KRT24: variants seen among roughly 807,000 people sequenced by gnomAD.
KRT24 encodes the protein keratin 24.
Under a neutral mutation model 51.7 loss-of-function variants are expected in KRT24, and 44 were observed. The observed-to-expected ratio is 0.85, with a 90% CI of 0.67 to 1.09. KRT24 has a LOEUF of 1.09. KRT24 is among the 50% of genes least tolerant of loss of function. KRT24 has a pLI of 0.00. For synonymous variants in KRT24, 241 were observed against 249.5 expected (o/e 0.97, Z 0.32); for missense variants, 633 against 647.0 (o/e 0.98, Z 0.24).
chr17:40,698,634 C>G lies in KRT24; in HGVS notation c.1378G>C (p.Glu460Gln). 2 of 1,589,758 alleles carry G rather than the reference C, an allele frequency of 1.3e-6. No homozygotes were observed. The highest frequency in any genetic ancestry group is 8.6e-7 in the Non-Finnish European group (1 of 1,158,380). The change falls in exon 7 of 8, where the codon GAA becomes CAA. Residue 460 changes from glutamate to glutamine, a missense_variant. By Grantham distance (29) the Glu-to-Gln change is conservative. Coordinates refer to ENST00000264651, the MANE Select transcript of KRT24 (RefSeq NM_019016.3). The part of the protein sequence containing the change: ...DGEGGGSSFA[E>Q]FGGRNSGSVN... ...GATCCTGAGTTTCTACCACCAAATT[C>G]TGCAAAACTAGAACCACTGGAGAAA...
chr17:40,702,037 T>TTG (rs951260322), intron 1 of KRT24, 104 bp from the exon 2 acceptor site: 4 of 466,016 alleles, frequency 8.6e-6, no homozygotes, highest in Middle Eastern at 3.2e-4. Flanking sequence ...GCTCTTTTTT[T>TTG]TGTGTGTGTG....
In KRT24 at chr17:40,703,107, T is replaced by C. The variant is rs1408076087; in HGVS notation, c.587A>G (p.Tyr196Cys). The C allele has an allele frequency of 1.9e-6, 3 of 1,607,122 alleles. No homozygotes were observed. The highest frequency in any genetic ancestry group is 1.3e-5 in the African/African-American group (1 of 74,502). Reference protein sequence around the residue: ...GGSGRDYSKYYSIIEDLRNQI... With the variant: ...GGSGRDYSKYCSIIEDLRNQI... The stretch of plus-strand genomic sequence containing the variant: ...GTTTCTGAGATCTTCAATTATTGAA[T>C]AGTATTTGCTATAATCTCTTCCCGA... Residue 196 changes from tyrosine to cysteine, a missense_variant, in exon 1 of 8, where the codon TAT (tyrosine) becomes TGT (cysteine). Tyr to Cys is a radical substitution (Grantham distance 194, BLOSUM62 -2). Coordinates refer to ENST00000264651, the MANE Select transcript of KRT24 (RefSeq NM_019016.3).
At chr17:40,702,299 C>A (rs1169315265) in intron 1 of KRT24, among the ~76,000 whole-genome samples, 2 of 152,272 alleles carry the variant, frequency 1.3e-5, no homozygotes, top group Non-Finnish European at 2.9e-5. Flanking sequence ...CCTCAGCCTC[C>A]TAAAGTGCTG....
At chr17:40,700,162 A>C in intron 4 of KRT24, 39 bp from the exon 5 acceptor site, 1 of 1,614,002 alleles carries the variant, frequency 6.2e-7, no homozygotes, top group Non-Finnish European at 8.5e-7. Context: ...AGGCTGATGA[A>C]AGGAGCAGAA....
In KRT24 at chr17:40,700,326, C is replaced by T. The variant is rs755388730; in HGVS notation, c.913G>A (p.Ala305Thr). Reference sequence around the variant, plus strand: ...AATTTGGTCAGGTCGGTCCCTGGCGCAGCATTCATTTCTACGGTCACCTCC... The same window carrying T: ...AATTTGGTCAGGTCGGTCCCTGGCGTAGCATTCATTTCTACGGTCACCTCC... ...GGEVTVEMNA[A>T]PGTDLTKLLN... Residue 305 changes from alanine to threonine, a missense_variant, in exon 4 of 8, where the codon GCG becomes ACG. Transcript: ENST00000264651. 77 of 1,613,844 alleles carry T rather than the reference C, an allele frequency of 4.8e-5. 1 individual carries two copies. In the South Asian group the frequency reaches 7.7e-4, roughly 16 times the overall value.
Position 40,703,638 on chromosome 17 carries a change from C to G in KRT24, c.56G>C (p.Arg19Thr). The G allele has an allele frequency of 1.2e-6, 2 of 1,605,124 alleles. No homozygotes were observed. The highest frequency in any genetic ancestry group is 8.5e-7 in the Non-Finnish European group (1 of 1,176,168). Residue 19 changes from arginine (R) to threonine (T), a missense_variant, in exon 1 of 8, where the codon AGG becomes ACG. Arg to Thr is a moderately conservative substitution (Grantham distance 71). Transcript: ENST00000264651. ...SSRAGGSSSA[R>T]VSAGGSSFSS... Reference sequence around the variant, plus strand: ...GAAGCTGCTTCCACCAGCAGACACCCTGGCTGAGCTGCTGCCTCCAGCCCT... The same window carrying G: ...GAAGCTGCTTCCACCAGCAGACACCGTGGCTGAGCTGCTGCCTCCAGCCCT...
In KRT24 at chr17:40,703,406, G is replaced by A. The variant is rs1597778749; in HGVS notation, c.288C>T (p.Val96=). 6.2e-7 allele frequency: 1 copy of A among 1,609,886 alleles called. No homozygotes were observed. The highest frequency in any genetic ancestry group is 1.1e-5 in the South Asian group (1 of 91,008). ...ATCCAGAACCCCTGCCAAATCCAGA[G>A]ACCCCGCCAAAGCTAGAACCCCCAC... The part of the protein sequence containing the change: ...GFGGGSSFGG[V]SGFGRGSGFC... Residue 96 remains valine, a synonymous_variant, in exon 1 of 8, where the codon GTC becomes GTT. Coordinates refer to ENST00000264651, the MANE Select transcript of KRT24 (RefSeq NM_019016.3).
intron 7 of KRT24, 61 bp downstream of exon 7, chr17:40,698,477 A>G: frequency 8.4e-7 from 1 of 1,188,980 alleles, no homozygotes; most frequent in Admixed American, 1.9e-5. Flanking sequence ...TTAGTATGAC[A>G]AGCAAAGTAT....
chr17:40,699,454 C>T lies in KRT24; in HGVS notation c.1351G>A (p.Gly451Arg). Reference sequence around the variant, plus strand: ...ATGACTTTGGTTTACCCTCCCTCTCCATCGAGCAGGCGGCGGTAGGTCTCG... The same window carrying T: ...ATGACTTTGGTTTACCCTCCCTCTCTATCGAGCAGGCGGCGGTAGGTCTCG... ...EIETYRRLLD[G>R]EGGGSSFAEF... The change falls in exon 6 of 8, where the codon GGA (glycine) becomes AGA (arginine). Residue 451 changes from glycine to arginine, a missense_variant. Transcript: ENST00000264651. The T allele has an allele frequency of 6.2e-7, 1 of 1,613,918 alleles. No individual in the cohort carries two copies. Among genetic ancestry groups the T allele is most frequent in the Non-Finnish European group, 8.5e-7 (1 of 1,179,838 alleles).
chr17:40,699,308 G>C, intron 6 of KRT24, 136 bp downstream of exon 6: 1 of 692,866 alleles, frequency 1.4e-6, no homozygotes. Flanking sequence ...TTACAGGCCT[G>C]AGCCACTGCA....
At chr17:40,699,420 A>T (rs765392112) in intron 6 of KRT24, 24 bp downstream of exon 6, 2 of 1,588,044 alleles carry the variant, frequency 1.3e-6, no homozygotes, top group East Asian at 2.2e-5. Flanking sequence ...TATGCATTTT[A>T]GTTTGTTCAT....
At position 40,703,682 on chromosome 17, in the gene KRT24, C is replaced by T. The variant is rs200666898; in HGVS notation, c.12G>A (p.Ser4=). Residue 4 remains serine (S), a synonymous_variant, in exon 1 of 8, where the codon TCG becomes TCA. Transcript: ENST00000264651. The part of the protein sequence containing the change: MSC[S]SRASSSRAGG... ...CAGCCCTGGAGGAGGAGGCGCGAGACGAGCAAGACATGGTGCTCCTGCAAA... is the reference window on the plus strand; with the variant it reads ...CAGCCCTGGAGGAGGAGGCGCGAGATGAGCAAGACATGGTGCTCCTGCAAA... 8.7e-5 allele frequency: 137 copies of T among 1,566,370 alleles called. No individual in the cohort carries two copies. The highest frequency in any genetic ancestry group is 1.1e-4 in the Non-Finnish European group (124 of 1,157,618).
At chr17:40,700,448 C>A in intron 3 of KRT24, 65 bp from the exon 4 acceptor site, 2 of 1,246,466 alleles carry the variant, frequency 1.6e-6, no homozygotes, top group South Asian at 1.4e-5. Context: ...GAAAATGTGC[C>A]TAGACAACAA....
In KRT24 at chr17:40,699,382, T is replaced by G. The variant is rs968616932; in HGVS notation, c.1361+62A>C. On this transcript the variant is annotated intron_variant, in intron 6 of 7. Coordinates refer to ENST00000264651, the MANE Select transcript of KRT24 (RefSeq NM_019016.3). ...ACAAGTCTAAGCCCTGAGTCCCATT[T>G]TGGTTTTATAAAATAAATTCACTAA... The G allele has an allele frequency of 3.8e-6, 5 of 1,312,352 alleles. No individual in the cohort carries two copies. The African/African-American group carries it at 4.3e-5, about 11-fold the overall frequency. The allele number at this position is 1,312,352 out of a possible 1,614,324, so 81.3% of individuals were successfully genotyped here. A position where few individuals can be genotyped will look rare whatever the true frequency, so the allele number is the denominator to read the frequency against.
chr17:40,703,553 G>A lies in KRT24; in HGVS notation c.141C>T (p.Ala47=). 1 of 1,599,662 alleles carries A rather than the reference G, an allele frequency of 6.3e-7. No homozygotes were observed. The highest frequency in any genetic ancestry group is 8.5e-7 in the Non-Finnish European group (1 of 1,178,336). The part of the protein sequence containing the change: ...GSSAQGFRGG[A]SSCSLSGGSS... Reference sequence around the variant, plus strand: ...ACCCCCCACTCAGGCTGCAGCTGCTGGCTCCTCCTCGGAAGCCCTGGGCCG... The same window carrying A: ...ACCCCCCACTCAGGCTGCAGCTGCTAGCTCCTCCTCGGAAGCCCTGGGCCG... The change falls in exon 1 of 8, where the codon GCC becomes GCT. Residue 47 remains alanine, a synonymous_variant. Transcript: ENST00000264651.
chr17:40,703,217 T>C lies in KRT24; in HGVS notation c.477A>G (p.Arg159=), dbSNP rs752767498. 6.2e-7 allele frequency: 1 copy of C among 1,614,148 alleles called. No individual in the cohort carries two copies. Among genetic ancestry groups the C allele is most frequent in the Non-Finnish European group, 8.5e-7 (1 of 1,180,018 alleles). Residue 159 remains arginine, a synonymous_variant, in exon 1 of 8, where the codon AGA becomes AGG. Transcript: ENST00000264651. ...DRLANYLDKV[R]ALEEANTDLE... ...GATCAGTGTTAGCCTCCTCCAGGGC[T>C]CTGACCTTGTCTAGGTAATTGGCCA...
chr17:40,700,363 T>C lies in KRT24; in HGVS notation c.876A>G (p.Gly292=). The change falls in exon 4 of 8, where the codon GGA becomes GGG. Residue 292 remains glycine, a synonymous_variant. Transcript: ENST00000264651. ...NHEEEMKNMQ[G]SSGGEVTVEM... ...CTACGGTCACCTCCCCTCCAGAGCT[T>C]CCTTGCATATTCTTCATTTCCTAGC... 3 of 1,613,098 alleles carry C rather than the reference T, an allele frequency of 1.9e-6. No homozygotes were observed. The highest frequency in any genetic ancestry group is 2.5e-6 in the Non-Finnish European group (3 of 1,179,510).
chr17:40,701,307 C>A lies in KRT24; in HGVS notation c.699-11G>T. The A allele has an allele frequency of 6.2e-7, 1 of 1,609,800 alleles. No homozygotes were observed. The highest frequency in any genetic ancestry group is 8.5e-7 in the Non-Finnish European group (1 of 1,177,994). On this transcript the variant is annotated splice_polypyrimidine_tract_variant and intron_variant, in intron 2 of 7. Coordinates refer to ENST00000264651, the MANE Select transcript of KRT24 (RefSeq NM_019016.3). The stretch of plus-strand genomic sequence containing the variant: ...AGCTCGTTCTCATACCTGGAAGGGG[C>A]AGCAGTAAGGCAAAAAATACTGTGA...
rs762604288 is a variant in KRT24 at position 40,698,577 on chromosome 17, C to A, written c.1435G>T (p.Gly479Cys). The A allele has an allele frequency of 6.2e-6, 10 of 1,612,700 alleles. No homozygotes were observed. The highest frequency in any genetic ancestry group is 7.6e-6 in the Non-Finnish European group (9 of 1,178,842). The change falls in exon 7 of 8, where the codon GGT becomes TGT. Residue 479 changes from glycine to cysteine, a missense_variant. Transcript: ENST00000264651. ...GAACAGCTTCCAGATCTTGAGTCAC[C>A]AGATACCAGATCCCTGGATCCCATG... The part of the protein sequence containing the change: ...VNMGSRDLVS[G>C]DSRSGSCSGQ...
Sources: gnomAD v4.1 joint callset for allele counts (sites outside exome capture counted in the v4.1 genomes callset) on GRCh38, gnomAD v4.1.1 for gene constraint, MANE v1.5 for transcripts, NCBI Gene and HGNC (gene_info 2026-07-23, HGNC 2026-07-21) for gene names.